Variants in SAMD9 observed in about 807,000 individuals in gnomAD.
The protein encoded by SAMD9 is sterile alpha motif domain containing 9.
Under a neutral mutation model 1.5 loss-of-function variants are expected in SAMD9, and 3 were observed. The observed-to-expected ratio is 2.05, with a 90% CI of 0.93 to 5.29. The LOEUF (loss-of-function observed/expected upper bound fraction) is 5.29, where lower values mean the gene tolerates loss of function less well. Ranked by LOEUF, SAMD9 falls within the 30% of genes most tolerant of loss-of-function variation. The pLI, the probability that SAMD9 is intolerant of heterozygous loss-of-function variation, is 0.02. For synonymous variants in SAMD9, 635 were observed against 631.9 expected, an observed-to-expected ratio of 1.00 and a Z score of -0.07; for missense variants, 1,597 against 1,820.8, an observed-to-expected ratio of 0.88 and a Z score of 2.24.
chr7:93,115,296 T>A (rs1339200396), intron 1 of SAMD9, among the ~76,000 whole-genome samples: 2 of 152,210 alleles, frequency 1.3e-5, no homozygotes, highest in African/African-American at 4.8e-5. Flanking sequence ...GTACATTGTT[T>A]TAGCCACTTC....
chr7:93,113,048 A>T (rs1307802483), intron 2 of SAMD9, among the ~76,000 whole-genome samples: 1 of 152,212 alleles, frequency 6.6e-6, no homozygotes. Flanking sequence ...ACCTGATTTC[A>T]AACTATACTA....
Position 93,105,890 on chromosome 7 carries a change from GTTC to G in SAMD9, c.205_207del (p.Glu69del), listed in dbSNP as rs1320309461. The stretch of plus-strand genomic sequence containing the variant: ...GCTGTTTTCCGCAATTCTTTGAATA[GTTC>G]TTCTATTTGAATAGCTGGTCCATGT... On this transcript the variant is annotated inframe_deletion, in exon 3 of 3. Transcript: ENST00000379958. 1 of 1,613,960 alleles carries G rather than the reference GTTC, an allele frequency of 6.2e-7. No individual in the cohort carries two copies. Among genetic ancestry groups the G allele is most frequent in the African/African-American group, 1.3e-5 (1 of 74,924 alleles).
rs1396477629 is a variant in SAMD9 at position 93,105,592 on chromosome 7, A to T, written c.506T>A (p.Phe169Tyr). 2 of 1,613,972 alleles carry T rather than the reference A, an allele frequency of 1.2e-6. No homozygotes were observed. The highest frequency in any genetic ancestry group is 2.7e-5 in the African/African-American group (2 of 74,932). The change falls in exon 3 of 3, where the codon TTC (phenylalanine) becomes TAC (tyrosine). Residue 169 changes from phenylalanine (F) to tyrosine (Y), a missense_variant. Physicochemically the swap from Phe to Tyr is conservative, Grantham distance 22. This residue lies in a region of SAMD9 where 498 missense variants were observed against 457.4 expected (regional missense o/e 1.09). Coordinates refer to ENST00000379958, the MANE Select transcript of SAMD9 (RefSeq NM_017654.4). ...LTCVSYPFDE[F>Y]SNPYRYKLDF... ...CAACTTGTAACGATATGGATTACTG[A>T]ATTCATCAAATGGATATGATACACA...
intron 2 of SAMD9, among the ~76,000 whole-genome samples, chr7:93,109,514 TA>T (rs1275154551): frequency 3.9e-5 from 6 of 152,178 alleles, no homozygotes; most frequent in African/African-American, 1.4e-4. Flanking sequence ...TTCTCTGAGC[TA>T]AAGGAGGATG....
Position 93,104,173 on chromosome 7 carries a change from A to C in SAMD9, c.1925T>G (p.Leu642Arg). ...AGTCATGATATCTTCTTCCTTTTTC[A>C]GAAGGACAGTCGATAAACCAATAGA... ...LPSIGLSTVL[L>R]KKEEDIMTAL... Residue 642 changes from leucine (L) to arginine (R), a missense_variant, in exon 3 of 3, where the codon CTG becomes CGG. This residue lies in a region of SAMD9 where 358 missense variants were observed against 460.4 expected (regional missense o/e 0.78). Transcript: ENST00000379958. The C allele has an allele frequency of 6.2e-7, 1 of 1,613,940 alleles. No individual in the cohort carries two copies. Among genetic ancestry groups the C allele is most frequent in the Non-Finnish European group, 8.5e-7 (1 of 1,179,838 alleles).
rs1408162880 is a variant in SAMD9, at chr7:93,104,285, A to G, written c.1813T>C (p.Cys605Arg). ...IKHQDEISSQ[C>R]ISALSLEEIN... ...TCTTCAAGGCTTAAAGCAGAAATAC[A>G]TTGGCTTGAAATTTCATCTTGGTGT... is the stretch of plus-strand genomic sequence containing the variant. The change falls in exon 3 of 3, where the codon TGT becomes CGT. Residue 605 changes from cysteine (C) to arginine (R), a missense_variant. This residue lies in a region of SAMD9 where 358 missense variants were observed against 460.4 expected (regional missense o/e 0.78). Coordinates refer to ENST00000379958, the MANE Select transcript of SAMD9 (RefSeq NM_017654.4). The G allele has an allele frequency of 1.9e-6, 3 of 1,613,476 alleles. No homozygotes were observed. Among genetic ancestry groups the G allele is most frequent in the South Asian group, 1.1e-5 (1 of 91,022 alleles).
At chr7:93,111,285 T>C (rs1791738325) in intron 2 of SAMD9, among the ~76,000 whole-genome samples, 1 of 152,106 alleles carries the variant, frequency 6.6e-6, no homozygotes, top group Non-Finnish European at 1.5e-5. Context: ...CATACCAGAA[T>C]CTCTGGGACA....
chr7:93,114,675 A>T (rs937649101), intron 2 of SAMD9, 120 bp downstream of exon 2: 4 of 152,212 alleles, frequency 2.6e-5, no homozygotes, highest in Non-Finnish European at 5.9e-5. Flanking sequence ...ATTAACCAAA[A>T]AATAAAAAAG....
At chr7:93,110,810 T>C (rs999075589) in intron 2 of SAMD9, among the ~76,000 whole-genome samples, 7 of 152,044 alleles carry the variant, frequency 4.6e-5, no homozygotes, top group African/African-American at 1.7e-4. Flanking sequence ...ATAAAGCAAG[T>C]CCTTAGAGAC....
In SAMD9 at chr7:93,104,043, T is replaced by C; in HGVS notation, c.2055A>G (p.Arg685=). 6.2e-7 allele frequency: 1 copy of C among 1,613,982 alleles called. No homozygotes were observed. The change falls in exon 3 of 3, where the codon CGA becomes CGG. Residue 685 remains arginine (R), a synonymous_variant. Transcript: ENST00000379958. ...FKASKEEDFY[R]GGKVSWWNFY... ...AGTTCCACCATGACACTTTGCCACCTCGATAGAAGTCTTCCTCTTTTGATG... is the reference window on the plus strand; with the variant it reads ...AGTTCCACCATGACACTTTGCCACCCCGATAGAAGTCTTCCTCTTTTGATG...
rs143894180 is a variant in SAMD9 at position 93,107,101 on chromosome 7, C to T, written c.-8-996G>A. ...TGTTGCCCAGGGTGGAGTGCAATGG[C>T]GCGATCTCGGCTCATTGCAACCTCT... On this transcript the variant is annotated intron_variant, in intron 2 of 2. Transcript: ENST00000379958. 3.8e-3 allele frequency among the ~76,000 whole-genome samples: 576 copies of T among 151,028 alleles called. 4 individuals are homozygous for T. The highest frequency in any genetic ancestry group is 0.013 in the African/African-American group (551 of 41,090).
Position 93,109,887 on chromosome 7 carries a change from G to T in SAMD9, c.-8-3782C>A, listed in dbSNP as rs2116430976. On this transcript the variant is annotated intron_variant, in intron 2 of 2. Transcript: ENST00000379958. Reference sequence around the variant, plus strand: ...AACCAAGTTGGAAAACACTCTTCAGGATATTATCCAGGAGAACTTCCCCAA... The same window carrying T: ...AACCAAGTTGGAAAACACTCTTCAGTATATTATCCAGGAGAACTTCCCCAA... Among the ~76,000 whole-genome samples, 4 of 152,292 alleles carry T rather than the reference G, an allele frequency of 2.6e-5. No homozygotes were observed. The South Asian group carries it at 8.3e-4, about 32-fold the overall frequency.
chr7:93,103,667 G>A lies in SAMD9; in HGVS notation c.2431C>T (p.Gln811Ter). 6.2e-7 allele frequency: 1 copy of A among 1,613,680 alleles called. No homozygotes were observed. The highest frequency in any genetic ancestry group is 8.5e-7 in the Non-Finnish European group (1 of 1,179,668). The change falls in exon 3 of 3, where the codon CAG becomes TAG. Residue 811 changes from glutamine to a stop codon, truncating the protein, a stop_gained. Coordinates refer to ENST00000379958, the MANE Select transcript of SAMD9 (RefSeq NM_017654.4). LOFTEE classifies it low-confidence loss of function (END_TRUNC). ...FEEQDNVYLL[Q>*]YSIQTAIAKK... is the part of the protein sequence containing the mutation. Reference sequence around the variant, plus strand: ...GCTATAGCTGTTTGAATAGAGTACTGCAGAAGATAGACATTATCTTGTTCT... The same window carrying A: ...GCTATAGCTGTTTGAATAGAGTACTACAGAAGATAGACATTATCTTGTTCT...
intron 2 of SAMD9, among the ~76,000 whole-genome samples, chr7:93,114,413 C>T (rs149732311): frequency 0.02 from 3,075 of 151,946 alleles, 50 homozygotes; most frequent in Non-Finnish European, 0.025. Context: ...CAAAGCTGCA[C>T]GTTGTGCACA....
chr7:93,114,048 C>A (rs1463892111), intron 2 of SAMD9, among the ~76,000 whole-genome samples: 1 of 152,024 alleles, frequency 6.6e-6, no homozygotes, highest in Non-Finnish European at 1.5e-5. Context: ...TGGAACCAAC[C>A]CAAATGTCCA....
rs1321909248 is a variant in SAMD9, at chr7:93,104,043, T to G, written c.2055A>C (p.Arg685=). Residue 685 remains arginine, a synonymous_variant, in exon 3 of 3, where the codon CGA becomes CGC. Coordinates refer to ENST00000379958, the MANE Select transcript of SAMD9 (RefSeq NM_017654.4). ...FKASKEEDFY[R]GGKVSWWNFY... is the part of the protein sequence containing the mutation. Reference sequence around the variant, plus strand: ...AGTTCCACCATGACACTTTGCCACCTCGATAGAAGTCTTCCTCTTTTGATG... The same window carrying G: ...AGTTCCACCATGACACTTTGCCACCGCGATAGAAGTCTTCCTCTTTTGATG... The G allele has an allele frequency of 6.2e-7, 1 of 1,613,864 alleles. No homozygotes were observed. The highest frequency in any genetic ancestry group is 1.7e-5 in the Admixed American group (1 of 59,994).
In SAMD9 at chr7:93,104,406, G is replaced by A. The variant is rs898926277; in HGVS notation, c.1692C>T (p.Tyr564=). The A allele has an allele frequency of 2.5e-6, 4 of 1,613,892 alleles. No individual in the cohort carries two copies. Among genetic ancestry groups the A allele is most frequent in the Non-Finnish European group, 3.4e-6 (4 of 1,179,852 alleles). Residue 564 remains tyrosine, a synonymous_variant, in exon 3 of 3, where the codon TAC becomes TAT. Transcript: ENST00000379958. ...TATTTTCCATTCCTTTGAGATCCTGGTAGAAAGCACAGAAAGTCTCAATGA... is the reference window on the plus strand; with the variant it reads ...TATTTTCCATTCCTTTGAGATCCTGATAGAAAGCACAGAAAGTCTCAATGA... The part of the protein sequence containing the change: ...DPLIETFCAF[Y]QDLKGMENIL...
chr7:93,102,645 A>T lies in SAMD9; in HGVS notation c.3453T>A (p.Ala1151=). 9.9e-6 allele frequency: 16 copies of T among 1,613,880 alleles called. No homozygotes were observed. The highest frequency in any genetic ancestry group is 1.3e-5 in the Non-Finnish European group (15 of 1,179,816). ...AGGCATGTTCTGCTAAATCCAAAAG[A>T]GCAATTAGATCATCAACTGAAATGT... is the stretch of plus-strand genomic sequence containing the variant. ...NGNISVDDLI[A]LLDLAEHASS... The change falls in exon 3 of 3, where the codon GCT becomes GCA. Residue 1151 remains alanine (A), a synonymous_variant. Transcript: ENST00000379958.
chr7:93,111,390 A>G (rs1475458364), intron 2 of SAMD9, among the ~76,000 whole-genome samples: 1 of 152,198 alleles, frequency 6.6e-6, no homozygotes, highest in Non-Finnish European at 1.5e-5. Flanking sequence ...CATCACAATT[A>G]AAAGAACTAG....
Sources: gnomAD v4.1 joint callset for allele counts (sites outside exome capture counted in the v4.1 genomes callset) on GRCh38, gnomAD v4.1.1 for gene constraint, gnomAD v4.1.1 regional missense constraint, MANE v1.5 for transcripts, NCBI Gene and HGNC (gene_info 2026-07-23, HGNC 2026-07-21) for gene names.